SENP1: variants seen among roughly 807,000 people sequenced by gnomAD.
SENP1 encodes the protein sentrin-specific protease 1.
SENP1 carries 21 observed loss-of-function variants against 93.0 expected under a neutral mutation model. The ratio of observed to expected loss-of-function variants is 0.23; its 90% CI spans 0.16 to 0.33. The LOEUF (loss-of-function observed/expected upper bound fraction) is 0.33. SENP1 is among the 10% of genes least tolerant of loss of function. SENP1 has a pLI of 1.00. For synonymous variants in SENP1, 256 were observed against 259.6 expected (o/e 0.99, Z 0.13); for missense variants, 591 against 758.7 (o/e 0.78, Z 2.60).
chr12:48,091,625 A>G (rs1945231873), intron 4 of SENP1, among the ~76,000 whole-genome samples: 1 of 152,166 alleles, frequency 6.6e-6, no homozygotes, highest in Non-Finnish European at 1.5e-5. Context: ...ATTGATAATG[A>G]TTCTAAGCAC....
chr12:48,050,621 T>C (rs1261070446), intron 13 of SENP1, among the ~76,000 whole-genome samples: 1 of 152,210 alleles, frequency 6.6e-6, no homozygotes, highest in Non-Finnish European at 1.5e-5. Flanking sequence ...AAGACACAAT[T>C]AGAATCAGGT....
intron 4 of SENP1, among the ~76,000 whole-genome samples, chr12:48,091,308 G>T (rs1945210401): frequency 6.6e-6 from 1 of 152,086 alleles, no homozygotes; most frequent in African/African-American, 2.4e-5. Context: ...AAATTAGCCA[G>T]GCGTGGTGGC....
chr12:48,088,563 A>G, intron 5 of SENP1: 1 of 485,654 alleles, frequency 2.1e-6, no homozygotes, highest in Non-Finnish European at 3.6e-6. Flanking sequence ...CAATATTCTC[A>G]TATCCACCAA....
chr12:48,083,328 G>C (rs1052373192), intron 6 of SENP1, among the ~76,000 whole-genome samples: 1 of 152,166 alleles, frequency 6.6e-6, no homozygotes, highest in Non-Finnish European at 1.5e-5. Context: ...AACCATTCAG[G>C]CAACATTAAA....
chr12:48,052,808 G>A (rs746454321), intron 13 of SENP1, among the ~76,000 whole-genome samples: 8 of 152,158 alleles, frequency 5.3e-5, no homozygotes, highest in African/African-American at 9.7e-5. Flanking sequence ...GTTAATCAGG[G>A]CTAGTTCTAT....
At chr12:48,104,557 C>A (rs1340497944) in intron 1 of SENP1, among the ~76,000 whole-genome samples, 1 of 152,188 alleles carries the variant, frequency 6.6e-6, no homozygotes, top group Non-Finnish European at 1.5e-5. Context: ...CAAATTCTTT[C>A]ATACACATTC....
At chr12:48,087,274 T>G (rs1944944247) in intron 5 of SENP1, among the ~76,000 whole-genome samples, 1 of 152,200 alleles carries the variant, frequency 6.6e-6, no homozygotes, top group Non-Finnish European at 1.5e-5. Context: ...TGTAGAAGGA[T>G]ATGTACTAAG....
At chr12:48,093,465 G>T (rs1945347814) in intron 4 of SENP1, among the ~76,000 whole-genome samples, 2 of 151,912 alleles carry the variant, frequency 1.3e-5, no homozygotes, top group Non-Finnish European at 2.9e-5. Context: ...TGTGTTTTTA[G>T]TAGAGACAGG....
chr12:48,074,303 G>C (rs903870677), intron 8 of SENP1, 21 bp downstream of exon 8: 2 of 1,589,046 alleles, frequency 1.3e-6, no homozygotes, highest in Non-Finnish European at 1.7e-6. Flanking sequence ...TAAAAATGTA[G>C]TTATATGATA....
At chr12:48,053,159 AAAATATATATT>A (rs1345798632) in intron 13 of SENP1, among the ~76,000 whole-genome samples, 1 of 152,106 alleles carries the variant, frequency 6.6e-6, no homozygotes, top group Non-Finnish European at 1.5e-5. Flanking sequence ...GTTCCCATCA[AAAATATATATT>A]CTGAAAGTTA....
At chr12:48,092,484 C>T (rs973874998) in intron 4 of SENP1, among the ~76,000 whole-genome samples, 1 of 151,946 alleles carries the variant, frequency 6.6e-6, no homozygotes, top group Non-Finnish European at 1.5e-5. Context: ...ATTTAAATTC[C>T]TGATTTTTAG....
chr12:48,068,841 C>T (rs1006604988), intron 9 of SENP1, among the ~76,000 whole-genome samples: 1 of 151,898 alleles, frequency 6.6e-6, no homozygotes, highest in African/African-American at 2.4e-5. Context: ...AAAAATAACA[C>T]CTGGATGAGA....
At chr12:48,072,561 T>A (rs931954477) in intron 8 of SENP1, among the ~76,000 whole-genome samples, 1 of 152,136 alleles carries the variant, frequency 6.6e-6, no homozygotes, top group Non-Finnish European at 1.5e-5. Flanking sequence ...GAGGTTGCAG[T>A]GAACCAAGAT....
intron 4 of SENP1, among the ~76,000 whole-genome samples, chr12:48,094,130 C>G (rs1324353180): frequency 6.6e-6 from 1 of 152,036 alleles, no homozygotes; most frequent in East Asian, 1.9e-4. Flanking sequence ...ATCTCAGCAC[C>G]TTGGGAGGCC....
intron 5 of SENP1, among the ~76,000 whole-genome samples, chr12:48,085,715 CAAA>C (rs200416260): frequency 0.017 from 1,958 of 116,210 alleles, 31 homozygotes; most frequent in African/African-American, 0.046. Flanking sequence ...TTGCTTCTCT[CAAA>C]AAAAAAAAAA....
chr12:48,081,793 T>G (rs566359830), intron 6 of SENP1, among the ~76,000 whole-genome samples: 1 of 152,110 alleles, frequency 6.6e-6, no homozygotes, highest in Non-Finnish European at 1.5e-5. Context: ...CTCAAACTCC[T>G]GGCCTCAAGC....
chr12:48,074,464 T>A lies in SENP1; in HGVS notation c.800A>T (p.His267Leu). 2 of 1,613,962 alleles carry A rather than the reference T, an allele frequency of 1.2e-6. No homozygotes were observed. The highest frequency in any genetic ancestry group is 1.7e-6 in the Non-Finnish European group (2 of 1,179,868). ...ATAAGAAGATAGGGAATATACACTG[T>A]GGGACAGCTGTTCCTGGTTAGTTAA... Reference protein sequence around the residue: ...SILTNQEQLSHSVYSLSSYTP... With the variant: ...SILTNQEQLSLSVYSLSSYTP... Residue 267 changes from histidine to leucine, a missense_variant, in exon 8 of 18, where the codon CAC becomes CTC. By Grantham distance (99) the His-to-Leu change is moderately conservative. Around this residue, in one of 4 missense-constraint regions of SENP1, gnomAD observed 238 missense variants for 259.1 expected, o/e 0.92. Transcript: ENST00000549518.
chr12:48,085,355 T>G, intron 5 of SENP1: 1 of 1,422,302 alleles, frequency 7.0e-7, no homozygotes, highest in Non-Finnish European at 9.9e-7. Flanking sequence ...AGCACCCATA[T>G]GAGGACGCCA....
At chr12:48,047,923 A>T (rs1400513413) in intron 15 of SENP1, 78 bp downstream of exon 15, 30 of 899,402 alleles carry the variant, frequency 3.3e-5, no homozygotes, top group Non-Finnish European at 3.6e-5. Context: ...TGAAGGTATC[A>T]AACAACTGAG....
Sources: allele counts gnomAD v4.1 joint callset (sites outside exome capture counted in the v4.1 genomes callset), GRCh38; gene constraint gnomAD v4.1.1; regional missense constraint gnomAD v4.1.1; transcripts MANE v1.5; gene names NCBI Gene and HGNC (gene_info 2026-07-23, HGNC 2026-07-21).